The following MYO18B variants were observed in gnomAD, a reference collection of about 807,000 sequenced individuals.
MYO18B encodes the protein unconventional myosin-XVIIIb.
A neutral mutation model predicts 273.0 loss-of-function variants in MYO18B; 204 were observed. The ratio of observed to expected loss-of-function variants is 0.75; its 90% CI spans 0.67 to 0.84. The LOEUF (loss-of-function observed/expected upper bound fraction) is 0.84. Among genes scored for constraint, MYO18B ranks in the 40% least tolerant of loss-of-function variants. The pLI is 0.00. For synonymous variants in MYO18B, 1,330 were observed against 1,305.7 expected, an observed-to-expected ratio of 1.02 and a Z score of -0.40; for missense variants, 3,212 against 3,287.6, an observed-to-expected ratio of 0.98 and a Z score of 0.56.
At chr22:25,901,806 G>GTTTT (rs34278088) in intron 29 of MYO18B, among the ~76,000 whole-genome samples, 46 of 92,190 alleles carry the variant, frequency 5.0e-4, no homozygotes, top group Non-Finnish European at 5.7e-4. Context: ...TTTTGGGTTG[G>GTTTT]TTTTTTTTTT....
In MYO18B at chr22:25,874,154, C is replaced by G. The variant is rs1238731789; in HGVS notation, c.3952-132C>G. On this transcript the variant is annotated intron_variant, in intron 22 of 43. Transcript: ENST00000335473. ...TTGATAATTTAGACTCCCCCACCTCCCACTTAAAGGGCAACTGCCAACAAA... is the reference window on the plus strand; with the variant it reads ...TTGATAATTTAGACTCCCCCACCTCGCACTTAAAGGGCAACTGCCAACAAA... 5.6e-6 allele frequency: 6 copies of G among 1,068,860 alleles called. No homozygotes were observed. In the Admixed American group the frequency reaches 8.5e-5, roughly 15 times the overall value. 66.2% of individuals were successfully genotyped at this position (1,068,860 alleles called of 1,614,324 possible). A position where few individuals can be genotyped will look rare whatever the true frequency, so the allele number is the denominator to read the frequency against.
At chr22:25,927,860 C>T (rs142503729) in intron 34 of MYO18B, among the ~76,000 whole-genome samples, 2,985 of 152,192 alleles carry the variant, frequency 0.02, 97 homozygotes, top group African/African-American at 0.066. Context: ...ACGTGAATAT[C>T]GGGGCAGATT....
intron 17 of MYO18B, among the ~76,000 whole-genome samples, chr22:25,841,792 G>A (rs2090089253): frequency 6.6e-6 from 1 of 152,222 alleles, no homozygotes; most frequent in Non-Finnish European, 1.5e-5. Flanking sequence ...GAGTCAACCA[G>A]TCCCTGCTCT....
At chr22:25,744,292 G>A (rs1188317076) in intron 1 of MYO18B, among the ~76,000 whole-genome samples, 1 of 152,160 alleles carries the variant, frequency 6.6e-6, no homozygotes, top group Non-Finnish European at 1.5e-5. Flanking sequence ...ACTTCCAGCT[G>A]CCAAAAGATA....
rs1936305461 is a variant in MYO18B, at chr22:26,027,084, A to G, written c.7110A>G (p.Thr2370=). 2 of 1,613,876 alleles carry G rather than the reference A, an allele frequency of 1.2e-6. No homozygotes were observed. Among genetic ancestry groups the G allele is most frequent in the Admixed American group, 3.3e-5 (2 of 60,010 alleles). The part of the protein sequence containing the change: ...SMGRKLSSPT[T]PRDMLLSPTL... ...GGAGAAAACTGAGCTCTCCGACCAC[A>G]CCCAGGGACATGCTGTTGTCGCCCA... Residue 2370 remains threonine (T), a synonymous_variant, in exon 43 of 44, where the codon ACA becomes ACG. Coordinates refer to ENST00000335473, the MANE Select transcript of MYO18B (RefSeq NM_032608.7). The surrounding 1 kb of genome is among the most constrained non-coding windows in gnomAD (Gnocchi z 4.1).
rs1364892717 is a variant in MYO18B at position 25,826,414 on chromosome 22, A to G, written c.2701A>G (p.Lys901Glu). ...GATTCTGTCCTCTTTCCCAGGGCTC[A>G]AGATGACAGGAGTGGACTGTGTGGA... ...LEDEETSSGLKMTGVDCVEGM... is the reference protein window; with the variant it reads ...LEDEETSSGLEMTGVDCVEGM... Residue 901 changes from lysine to glutamate, a missense_variant, in exon 14 of 44, where the codon AAG (lysine) becomes GAG (glutamate). Coordinates refer to ENST00000335473, the MANE Select transcript of MYO18B (RefSeq NM_032608.7). 3 of 1,610,944 alleles carry G rather than the reference A, an allele frequency of 1.9e-6. No homozygotes were observed. The Admixed American group carries it at 5.1e-5, about 27-fold the overall frequency.
At chr22:25,815,435 G>A (rs1162651721) in intron 12 of MYO18B, among the ~76,000 whole-genome samples, 2 of 152,140 alleles carry the variant, frequency 1.3e-5, no homozygotes, top group Non-Finnish European at 2.9e-5. Flanking sequence ...CCTGCTCTGG[G>A]ACACACTCCT....
chr22:26,063,837 CT>C, the MYO18B span, among the ~76,000 whole-genome samples: 1 of 152,212 alleles, frequency 6.6e-6, no homozygotes, highest in Non-Finnish European at 1.5e-5. Context: ...TAAAGCTCTT[CT>C]TTTTCCTAAT....
Position 26,027,182 on chromosome 22 carries a change from C to T in MYO18B, c.7208C>T (p.Pro2403Leu), listed in dbSNP as rs773062911. The change falls in exon 43 of 44, where the codon CCG becomes CTG. Residue 2403 changes from proline (P) to leucine (L), a missense_variant. Coordinates refer to ENST00000335473, the MANE Select transcript of MYO18B (RefSeq NM_032608.7). This position sits in a 1 kb window ranked among gnomAD's most constrained non-coding sequence, Gnocchi z 4.1. ...DAGCPDLGKE[P>L]LVFQNRQFAH... The stretch of plus-strand genomic sequence containing the variant: ...GGCTGTCCAGACCTTGGAAAGGAGC[C>T]GCTTGTTTTCCAGAACCGCCAGTTT... The T allele has an allele frequency of 9.3e-6, 15 of 1,613,858 alleles. No homozygotes were observed. The highest frequency in any genetic ancestry group is 2.2e-5 in the East Asian group (1 of 44,878).
chr22:25,956,890 C>T (rs2092859365), intron 39 of MYO18B, among the ~76,000 whole-genome samples: 1 of 152,194 alleles, frequency 6.6e-6, no homozygotes, highest in South Asian at 2.1e-4. Flanking sequence ...TACTGTCTTT[C>T]ACAGCCGGTG....
At chr22:26,031,750 G>C (rs1038601960), downstream of MYO18B, among the ~76,000 whole-genome samples, 2 of 152,140 alleles carry the variant, frequency 1.3e-5, no homozygotes, top group Admixed American at 1.3e-4. Flanking sequence ...GAGGAGGATG[G>C]GGCAGGAGGG....
chr22:25,826,915 G>C (rs35674508), intron 14 of MYO18B, among the ~76,000 whole-genome samples: 5,381 of 152,152 alleles, frequency 0.035, 127 homozygotes, highest in Non-Finnish European at 0.058. Context: ...ACAAAAATTA[G>C]CTGGGCGTGG....
At position 25,756,128 on chromosome 22, in the gene MYO18B, T is replaced by C. The variant is rs537539977; in HGVS notation, c.-109-4856T>C. On this transcript the variant is annotated intron_variant, in intron 1 of 43. Transcript: ENST00000335473. ...TAGCCAGGATGGTCTTGATCTGACC[T>C]CGTGATCCGCCTGCCTCAGCCTCCC... 1.1e-4 allele frequency among the ~76,000 whole-genome samples: 16 copies of C among 152,056 alleles called. No individual in the cohort carries two copies. In the South Asian group the frequency reaches 3.3e-3, roughly 32 times the overall value.
rs115680408 is a variant in MYO18B at position 25,777,096 on chromosome 22, T to C, written c.1870-487T>C. On this transcript the variant is annotated intron_variant, in intron 7 of 43. Coordinates refer to ENST00000335473, the MANE Select transcript of MYO18B (RefSeq NM_032608.7). ...ATTATTTTACTGAATGAAGTATGAA[T>C]GAATGGATGAAGCAGATACGGTTTT... Among the ~76,000 whole-genome samples the C allele has an allele frequency of 3.9e-3, 588 of 152,332 alleles. 8 individuals are homozygous for C. The highest frequency in any genetic ancestry group is 0.014 in the African/African-American group (567 of 41,566).
intron 11 of MYO18B, among the ~76,000 whole-genome samples, chr22:25,793,702 A>G (rs767021954): frequency 6.6e-6 from 1 of 152,198 alleles, no homozygotes; most frequent in Non-Finnish European, 1.5e-5. Context: ...GGGCGCTCTA[A>G]GCCCAGCCTG....
At chr22:26,038,124 C>T in the MYO18B span, among the ~76,000 whole-genome samples, 324 of 152,340 alleles carry the variant, frequency 2.1e-3, 1 homozygote, top group Middle Eastern at 0.02. Flanking sequence ...AGTGTTTTCC[C>T]TCTAATTCCT....
At chr22:25,793,223 T>C (rs748609510) in intron 11 of MYO18B, among the ~76,000 whole-genome samples, 2 of 152,088 alleles carry the variant, frequency 1.3e-5, no homozygotes, top group Non-Finnish European at 2.9e-5. Flanking sequence ...TGCTAAGATA[T>C]GATTTCCATT....
chr22:25,971,263 GGAA>G (rs769683705), intron 39 of MYO18B, among the ~76,000 whole-genome samples: 9 of 152,214 alleles, frequency 5.9e-5, no homozygotes, highest in Non-Finnish European at 1.2e-4. Context: ...ATGCTCTGTT[GGAA>G]GAAGAAGTGG....
rs557016862 is a variant in MYO18B at position 25,946,311 on chromosome 22, G to A, written c.5631+61G>A. The A allele has an allele frequency of 9.2e-5, 109 of 1,187,586 alleles. 1 individual carries two copies. In the African/African-American group the frequency reaches 1.5e-3, roughly 16 times the overall value. 73.6% of individuals were successfully genotyped at this position (1,187,586 alleles called of 1,614,324 possible). Reference sequence around the variant, plus strand: ...CCAGCATAGGCCTCTGGGAGCTAGTGTGGGCCTAGTGTGCGCTCAGCACTA... The same window carrying A: ...CCAGCATAGGCCTCTGGGAGCTAGTATGGGCCTAGTGTGCGCTCAGCACTA... On this transcript the variant is annotated intron_variant, in intron 35 of 43. Transcript: ENST00000335473.
Sources: allele counts gnomAD v4.1 joint callset (sites outside exome capture counted in the v4.1 genomes callset), GRCh38; gene constraint gnomAD v4.1.1; non-coding constraint Gnocchi (gnomAD v3.1); transcripts MANE v1.5; gene names NCBI Gene and HGNC (gene_info 2026-07-23, HGNC 2026-07-21).